FIG4: variants seen among roughly 807,000 people sequenced by gnomAD.
FIG4 encodes polyphosphoinositide phosphatase.
FIG4 carries 112 observed loss-of-function variants against 118.6 expected under a neutral mutation model. The observed-to-expected ratio is 0.94, with a 90% CI of 0.81 to 1.11. FIG4 has a LOEUF of 1.11. Ranked by LOEUF, FIG4 falls within the 50% of genes least tolerant of loss-of-function variation. FIG4 has a pLI of 0.00. For missense variants in FIG4, 969 were observed against 1,111.7 expected (o/e 0.87, Z 1.83); for synonymous variants, 369 against 381.2 (o/e 0.97, Z 0.37).
chr6:109,730,092 A>G (rs1775949424), intron 4 of FIG4, among the ~76,000 whole-genome samples: 1 of 151,916 alleles, frequency 6.6e-6, no homozygotes, highest in Admixed American at 6.6e-5. Context: ...TCTGTTACCC[A>G]GGCTGGAGTG....
chr6:109,765,293 A>G, intron 14 of FIG4, 132 bp downstream of exon 14: 1 of 751,698 alleles, frequency 1.3e-6, no homozygotes, highest in Non-Finnish European at 2.2e-6. Flanking sequence ...ACATTATTCA[A>G]ACTCGTTCTG....
chr6:109,776,994 G>T lies in FIG4; in HGVS notation c.1823G>T (p.Trp608Leu), dbSNP rs1375864580. 6.2e-7 allele frequency: 1 copy of T among 1,613,300 alleles called. No individual in the cohort carries two copies. Among genetic ancestry groups the T allele is most frequent in the Admixed American group, 1.7e-5 (1 of 60,010 alleles). Residue 608 changes from tryptophan to leucine, a missense_variant, in exon 16 of 23, where the codon TGG becomes TTG. By Grantham distance (61) the Trp-to-Leu change is moderately conservative. This residue lies in a region of FIG4 where 246 missense variants were observed against 354.3 expected (regional missense o/e 0.69). Transcript: ENST00000230124. ...CCCACTGAAGGGAAACCTCATCTCTGGGAGCTCCCAACAGATTTTTATTTG... is the reference window on the plus strand; with the variant it reads ...CCCACTGAAGGGAAACCTCATCTCTTGGAGCTCCCAACAGATTTTTATTTG... ...FHPTEGKPHL[W>L]ELPTDFYLHH...
rs755434755 is a variant in FIG4 at position 109,716,431 on chromosome 6, G to A, written c.166-14G>A. 6.2e-7 allele frequency: 1 copy of A among 1,612,934 alleles called. No homozygotes were observed. Among genetic ancestry groups the A allele is most frequent in the Non-Finnish European group, 8.5e-7 (1 of 1,179,174 alleles). On this transcript the variant is annotated splice_polypyrimidine_tract_variant and intron_variant, in intron 2 of 22. Transcript: ENST00000230124. ...TTAAGCACAACCTTACAGAGTAAAT[G>A]TGCTTATTCTTAGCATGTCTATACT...
chr6:109,783,386 T>G (rs1346932363), intron 16 of FIG4, among the ~76,000 whole-genome samples: 1 of 152,232 alleles, frequency 6.6e-6, no homozygotes, highest in Non-Finnish European at 1.5e-5. Context: ...AGATTATAGA[T>G]CTCAGCTACA....
intron 1 of FIG4, among the ~76,000 whole-genome samples, chr6:109,705,440 C>A (rs1416174158): frequency 6.6e-6 from 1 of 152,170 alleles, no homozygotes; most frequent in Non-Finnish European, 1.5e-5. Context: ...TCGCTATTCT[C>A]TGCACAAAAC....
Position 109,753,255 on chromosome 6 carries a change from C to T in FIG4, c.1138-6995C>T, listed in dbSNP as rs183143292. Among the ~76,000 whole-genome samples, 28 of 152,170 alleles carry T rather than the reference C, an allele frequency of 1.8e-4. No homozygotes were observed. In the East Asian group the frequency reaches 3.9e-3, roughly 21 times the overall value. Reference sequence around the variant, plus strand: ...GTGTTCAGGGTGGTATGGCCGTAGACGATGCGGTGTTATTTCTGAGGGCTC... The same window carrying T: ...GTGTTCAGGGTGGTATGGCCGTAGATGATGCGGTGTTATTTCTGAGGGCTC... On this transcript the variant is annotated intron_variant, in intron 10 of 22. Coordinates refer to ENST00000230124, the MANE Select transcript of FIG4 (RefSeq NM_014845.6).
At chr6:109,744,511 G>A (rs1776422598) in intron 10 of FIG4, among the ~76,000 whole-genome samples, 1 of 151,318 alleles carries the variant, frequency 6.6e-6, no homozygotes, top group Non-Finnish European at 1.5e-5. Context: ...TGTGCTCTTG[G>A]TGGTGTCCAA....
At chr6:109,728,802 T>C (rs2128384435) in intron 4 of FIG4, among the ~76,000 whole-genome samples, 1 of 152,288 alleles carries the variant, frequency 6.6e-6, no homozygotes, top group East Asian at 1.9e-4. Flanking sequence ...GACCAGACCA[T>C]GCGAATCCAG....
At chr6:109,801,571 G>A (rs1381393327) in intron 22 of FIG4, among the ~76,000 whole-genome samples, 3 of 151,988 alleles carry the variant, frequency 2.0e-5, no homozygotes, top group African/African-American at 7.3e-5. Context: ...TAATAAGTGC[G>A]CTTACAGTTT....
chr6:109,767,185 A>C (rs968510293), intron 15 of FIG4, among the ~76,000 whole-genome samples: 2 of 152,192 alleles, frequency 1.3e-5, no homozygotes, highest in Non-Finnish European at 2.9e-5. Context: ...TTCTGCTTGC[A>C]GTATATAGAT....
At chr6:109,824,124 C>G (rs1299806940) in intron 22 of FIG4, among the ~76,000 whole-genome samples, 3 of 152,164 alleles carry the variant, frequency 2.0e-5, no homozygotes, top group Non-Finnish European at 4.4e-5. Flanking sequence ...CAGTGCCTTC[C>G]CCACGGGGTG....
At chr6:109,740,825 A>T (rs1378508846) in intron 7 of FIG4, among the ~76,000 whole-genome samples, 2 of 152,154 alleles carry the variant, frequency 1.3e-5, no homozygotes, top group Admixed American at 6.5e-5. Flanking sequence ...AAGAGGTTTA[A>T]TTGACTGTAG....
At chr6:109,764,514 T>C (rs1288285787) in intron 13 of FIG4, among the ~76,000 whole-genome samples, 1 of 151,970 alleles carries the variant, frequency 6.6e-6, no homozygotes, top group Admixed American at 6.6e-5. Flanking sequence ...TATTAAATGT[T>C]ATTACTGGAA....
intron 4 of FIG4, among the ~76,000 whole-genome samples, chr6:109,730,173 CCAGT>C (rs1219514995): frequency 3.3e-5 from 5 of 152,198 alleles, no homozygotes; most frequent in Admixed American, 2.6e-4. Flanking sequence ...CTCAGCCTCC[CCAGT>C]AGCTGGGACT....
intron 10 of FIG4, among the ~76,000 whole-genome samples, chr6:109,756,014 G>T (rs1776882620): frequency 6.6e-6 from 1 of 152,194 alleles, no homozygotes; most frequent in Admixed American, 6.5e-5. Context: ...GTTAGTTGAT[G>T]CAGTTTCTTC....
intron 22 of FIG4, among the ~76,000 whole-genome samples, chr6:109,808,350 C>CAAAAAAAAAAAAAA (rs55948419): frequency 6.0e-5 from 4 of 67,040 alleles, no homozygotes; most frequent in African/African-American, 1.2e-4. Flanking sequence ...ACACTCACAG[C>CAAAAAAAAAAAAAA]AAAAAAAAAA....
At chr6:109,753,031 G>A (rs1179980173) in intron 10 of FIG4, among the ~76,000 whole-genome samples, 2 of 152,100 alleles carry the variant, frequency 1.3e-5, no homozygotes, top group Admixed American at 6.6e-5. Flanking sequence ...TGTAAGGAAG[G>A]GATCCATTTT....
chr6:109,777,431 CT>C (rs1473545382), intron 16 of FIG4, among the ~76,000 whole-genome samples: 23 of 152,214 alleles, frequency 1.5e-4, no homozygotes, highest in Admixed American at 1.5e-3. Context: ...AGTTTCAGAA[CT>C]TCCTTGTTAA....
At chr6:109,783,260 CT>C (rs1583727971) in intron 16 of FIG4, among the ~76,000 whole-genome samples, 1 of 152,166 alleles carries the variant, frequency 6.6e-6, no homozygotes, top group African/African-American at 2.4e-5. Context: ...ACATGTACCC[CT>C]GAACTTAATG....
Sources: allele counts gnomAD v4.1 joint callset (sites outside exome capture counted in the v4.1 genomes callset), GRCh38; gene constraint gnomAD v4.1.1; regional missense constraint gnomAD v4.1.1; transcripts MANE v1.5; gene names NCBI Gene and HGNC (gene_info 2026-07-23, HGNC 2026-07-21).